MPHOSPH9: variants seen among roughly 807,000 people sequenced by gnomAD.
MPHOSPH9 encodes M-phase phosphoprotein 9.
MPHOSPH9 carries 88 observed loss-of-function variants against 145.5 expected under a neutral mutation model. The ratio of observed to expected loss-of-function variants is 0.60; its 90% CI spans 0.51 to 0.72. The LOEUF (loss-of-function observed/expected upper bound fraction) is 0.72. MPHOSPH9 is among the 30% of genes least tolerant of loss of function. The pLI is 0.00. For synonymous variants in MPHOSPH9, 435 were observed against 486.2 expected (o/e 0.89, Z 1.39); for missense variants, 1,238 against 1,386.6 (o/e 0.89, Z 1.70).
At chr12:123,191,240 G>C (rs1004342549) in intron 13 of MPHOSPH9, among the ~76,000 whole-genome samples, 7 of 152,124 alleles carry the variant, frequency 4.6e-5, no homozygotes, top group African/African-American at 1.7e-4. Context: ...AGAATCACTT[G>C]AACCTGAGAG....
rs145873046 is a variant in MPHOSPH9 at position 123,156,837 on chromosome 12, G to A, written c.3522C>T (p.Phe1174=). ...LGSVRMTLKK[F]HVLRTSANL The stretch of plus-strand genomic sequence containing the variant: ...GATTTGCAGAGGTGCGCAAAACATG[G>A]AATTTCTTTAGCGTCATGCGAACTG... The change falls in exon 24 of 24, where the codon TTC becomes TTT. Residue 1174 remains phenylalanine, a synonymous_variant. Coordinates refer to ENST00000606320, the MANE Select transcript of MPHOSPH9 (RefSeq NM_022782.4). 18 of 1,611,910 alleles carry A rather than the reference G, an allele frequency of 1.1e-5. No individual in the cohort carries two copies. The highest frequency in any genetic ancestry group is 1.5e-5 in the Non-Finnish European group (18 of 1,178,366).
chr12:123,195,188 ACTG>A (rs932985962), intron 12 of MPHOSPH9, among the ~76,000 whole-genome samples: 5 of 152,066 alleles, frequency 3.3e-5, no homozygotes, highest in African/African-American at 4.8e-5. Flanking sequence ...AAAAATAACC[ACTG>A]CTATTAGGGA....
At chr12:123,211,384 G>GT (rs2046707647) in intron 7 of MPHOSPH9, among the ~76,000 whole-genome samples, 1 of 152,138 alleles carries the variant, frequency 6.6e-6, no homozygotes, top group Non-Finnish European at 1.5e-5. Context: ...GCCTCCCAAA[G>GT]TGCTGGGATT....
intron 16 of MPHOSPH9, among the ~76,000 whole-genome samples, chr12:123,175,765 G>A (rs1224110384): frequency 1.4e-5 from 2 of 141,104 alleles, no homozygotes; most frequent in African/African-American, 2.7e-5. Flanking sequence ...TCCCCAACCC[G>A]AAGCTCTCTC....
intron 16 of MPHOSPH9, among the ~76,000 whole-genome samples, chr12:123,168,727 T>G (rs2044437324): frequency 6.6e-6 from 1 of 152,026 alleles, no homozygotes; most frequent in Non-Finnish European, 1.5e-5. Flanking sequence ...AAACCTCCCA[T>G]CCCACCTTCG....
intron 13 of MPHOSPH9, among the ~76,000 whole-genome samples, chr12:123,186,178 G>A (rs1214683997): frequency 2.8e-5 from 4 of 141,490 alleles, no homozygotes; most frequent in Non-Finnish European, 4.5e-5. Flanking sequence ...GGTGAGCTGA[G>A]ATCGTGCCAT....
intron 12 of MPHOSPH9, among the ~76,000 whole-genome samples, chr12:123,196,579 A>G (rs1185369312): frequency 1.3e-5 from 2 of 152,206 alleles, no homozygotes; most frequent in Non-Finnish European, 2.9e-5. Flanking sequence ...TCAGAAAGAA[A>G]AAAAGTTACC....
chr12:123,162,957 A>T (rs1006751613), intron 20 of MPHOSPH9, 57 bp downstream of exon 20: 5 of 1,464,216 alleles, frequency 3.4e-6, no homozygotes, highest in South Asian at 1.4e-5. Context: ...ATAAGTCAAC[A>T]TTTAGAAAAA....
chr12:123,197,826 G>A (rs1391463198), intron 12 of MPHOSPH9, among the ~76,000 whole-genome samples: 1 of 145,576 alleles, frequency 6.9e-6, no homozygotes, highest in Non-Finnish European at 1.5e-5. Flanking sequence ...GCTCACGCCT[G>A]TAATCCCAGC....
intron 12 of MPHOSPH9, among the ~76,000 whole-genome samples, chr12:123,196,707 T>C (rs1366002683): frequency 6.6e-6 from 1 of 152,166 alleles, no homozygotes; most frequent in Non-Finnish European, 1.5e-5. Flanking sequence ...CATAAAATCT[T>C]GTAGACAAAC....
chr12:123,208,631 T>C (rs2046556160), intron 8 of MPHOSPH9, among the ~76,000 whole-genome samples: 1 of 150,510 alleles, frequency 6.6e-6, no homozygotes, highest in Non-Finnish European at 1.5e-5. Context: ...GTGTAACAAA[T>C]GAAAAATCAA....
chr12:123,243,161 C>T (rs1032251032), intron 1 of MPHOSPH9, among the ~76,000 whole-genome samples: 3 of 152,138 alleles, frequency 2.0e-5, no homozygotes, highest in Non-Finnish European at 4.4e-5. Flanking sequence ...GCACCACTTT[C>T]CTTGGCACAC....
At chr12:123,223,640 C>T (rs1389639537) in intron 3 of MPHOSPH9, among the ~76,000 whole-genome samples, 1 of 152,360 alleles carries the variant, frequency 6.6e-6, no homozygotes, top group Non-Finnish European at 1.5e-5. Context: ...ACCATGACTG[C>T]TGTCTTCCCA....
At chr12:123,187,824 T>C (rs901270540) in intron 13 of MPHOSPH9, among the ~76,000 whole-genome samples, 2 of 152,158 alleles carry the variant, frequency 1.3e-5, no homozygotes, top group African/African-American at 2.4e-5. Context: ...ATACCATATA[T>C]TACGTAAGAG....
intron 5 of MPHOSPH9, among the ~76,000 whole-genome samples, chr12:123,220,700 G>A (rs2047159989): frequency 6.6e-6 from 1 of 152,034 alleles, no homozygotes. Flanking sequence ...AGGCTACAGT[G>A]AGCTATGATT....
chr12:123,223,190 T>C, intron 3 of MPHOSPH9, 63 bp from the exon 4 acceptor site: 4 of 1,070,624 alleles, frequency 3.7e-6, no homozygotes, highest in Non-Finnish European at 4.9e-6. Flanking sequence ...CACAGAACAA[T>C]TCCTCCAGTG....
chr12:123,232,517 GA>G (rs1464131334), intron 1 of MPHOSPH9, among the ~76,000 whole-genome samples: 2 of 152,184 alleles, frequency 1.3e-5, no homozygotes, highest in Admixed American at 1.3e-4. Context: ...TGATGGTTAT[GA>G]AACATGAAAG....
At chr12:123,227,738 C>A in intron 2 of MPHOSPH9, 122 bp from the exon 3 acceptor site, 1 of 783,868 alleles carries the variant, frequency 1.3e-6, no homozygotes, top group South Asian at 4.2e-5. Context: ...CTAATGGCAC[C>A]TCATTTGTTC....
intron 8 of MPHOSPH9, 26 bp downstream of exon 8, chr12:123,210,030 C>A (rs1198716293): frequency 6.4e-7 from 1 of 1,557,846 alleles, no homozygotes. Flanking sequence ...GCCACCGCGC[C>A]CGGCCACCGT....
Sources: allele counts gnomAD v4.1 joint callset (sites outside exome capture counted in the v4.1 genomes callset), GRCh38; gene constraint gnomAD v4.1.1; transcripts MANE v1.5; gene names NCBI Gene and HGNC (gene_info 2026-07-23, HGNC 2026-07-21).